Variants in ROBO2 observed in about 807,000 individuals in gnomAD.
ROBO2 encodes the protein roundabout homolog 2.
A neutral mutation model predicts 160.8 loss-of-function variants in ROBO2; 53 were observed. The ratio of observed to expected loss-of-function variants is 0.33; its 90% CI spans 0.26 to 0.41. The LOEUF (loss-of-function observed/expected upper bound fraction) is 0.41. ROBO2 is among the 10% of genes least tolerant of loss of function. The pLI is 1.00. For missense variants in ROBO2, 1,577 were observed against 1,722.4 expected (o/e 0.92, Z 1.49); for synonymous variants, 664 against 611.7 (o/e 1.09, Z -1.26).
intron 2 of ROBO2, among the ~76,000 whole-genome samples, chr3:76,971,545 T>A (rs973433221): frequency 3.5e-5 from 5 of 143,028 alleles, no homozygotes; most frequent in Non-Finnish European, 7.7e-5. Flanking sequence ...ATCTCTACTG[T>A]TTCTCTAAAA....
chr3:77,267,300 A>T (rs1015413657), intron 2 of ROBO2, among the ~76,000 whole-genome samples: 16 of 152,198 alleles, frequency 1.1e-4, no homozygotes, highest in Non-Finnish European at 1.9e-4. Flanking sequence ...ATAAATGGAA[A>T]ACATCTAAAA....
intron 2 of ROBO2, among the ~76,000 whole-genome samples, chr3:77,395,011 G>T (rs2075128338): frequency 6.6e-6 from 1 of 152,122 alleles, no homozygotes; most frequent in African/African-American, 2.4e-5. Context: ...TACATTCACA[G>T]ACTCAAACTA....
At chr3:77,243,391 C>T (rs894458953) in intron 2 of ROBO2, among the ~76,000 whole-genome samples, 8 of 152,074 alleles carry the variant, frequency 5.3e-5, no homozygotes, top group Non-Finnish European at 1.0e-4. Context: ...TTTCTTAGAA[C>T]GTGAGAAGTC....
intron 2 of ROBO2, among the ~76,000 whole-genome samples, chr3:76,902,955 G>A (rs1400027383): frequency 4.6e-5 from 7 of 151,552 alleles, no homozygotes; most frequent in African/African-American, 1.7e-4. Context: ...ATCATTACTT[G>A]GATAACATTT....
At chr3:77,237,183 C>CTTTTTTTTTTTTTTT (rs34992972) in intron 2 of ROBO2, among the ~76,000 whole-genome samples, 2 of 107,112 alleles carry the variant, frequency 1.9e-5, no homozygotes, top group African/African-American at 3.5e-5. Flanking sequence ...CTTGACCTTT[C>CTTTTTTTTTTTTTTT]TTTTTTTTTT....
At chr3:76,680,058 C>T (rs965223574) in intron 2 of ROBO2, among the ~76,000 whole-genome samples, 1 of 151,962 alleles carries the variant, frequency 6.6e-6, no homozygotes, top group African/African-American at 2.4e-5. Flanking sequence ...GTAATTAAAG[C>T]TAAACATTGT....
intron 22 of ROBO2, 114 bp from the exon 24 acceptor site, chr3:77,622,113 T>C (rs1157294160): frequency 6.7e-6 from 6 of 895,796 alleles, no homozygotes; most frequent in Non-Finnish European, 1.0e-5. Context: ...CTAAATTAGT[T>C]AATGGAAAGG....
chr3:76,861,423 GCTA>G (rs1204391522), intron 2 of ROBO2, among the ~76,000 whole-genome samples: 1 of 152,058 alleles, frequency 6.6e-6, no homozygotes, highest in Non-Finnish European at 1.5e-5. Context: ...TTATTCTAAT[GCTA>G]CTATTTTTGC....
chr3:76,191,384 G>T (rs370244445), intron 2 of ROBO2, among the ~76,000 whole-genome samples: 5 of 151,998 alleles, frequency 3.3e-5, no homozygotes, highest in Admixed American at 6.6e-5. Context: ...AAATAGCTTC[G>T]CAAATCATGT....
At chr3:77,362,585 AG>A (rs1278459723) in intron 2 of ROBO2, among the ~76,000 whole-genome samples, 3 of 152,166 alleles carry the variant, frequency 2.0e-5, no homozygotes, top group African/African-American at 7.2e-5. Context: ...GCTTAGGAGA[AG>A]GAGGCTGACT....
chr3:76,657,600 GTATATATATATTCATATATA>G, intron 2 of ROBO2, among the ~76,000 whole-genome samples: 4 of 140,338 alleles, frequency 2.9e-5, no homozygotes, highest in African/African-American at 1.1e-4. Flanking sequence ...ATATATATAT[GTATATATATATTCATATATA>G]TGTGTATATA....
chr3:76,847,912 C>T (rs534377648), intron 2 of ROBO2, among the ~76,000 whole-genome samples: 1 of 151,724 alleles, frequency 6.6e-6, no homozygotes, highest in African/African-American at 2.4e-5. Flanking sequence ...TTACTAATGA[C>T]ATTAAGAAGA....
At chr3:77,273,395 C>T (rs1046844233) in intron 2 of ROBO2, among the ~76,000 whole-genome samples, 8 of 152,154 alleles carry the variant, frequency 5.3e-5, no homozygotes, top group African/African-American at 1.9e-4. Context: ...TGGATCCTTG[C>T]TGAAGTACCA....
rs113641892 is a variant in ROBO2, at chr3:75,923,385, C to T, written c.-13-14096C>T. Among the ~76,000 whole-genome samples the T allele has an allele frequency of 4.1e-3, 621 of 152,260 alleles. 1 individual carries two copies. The highest frequency in any genetic ancestry group is 0.014 in the African/African-American group (601 of 41,540). On this transcript the variant is annotated intron_variant, in intron 1 of 26. Transcript: ENST00000487694. ...AAATATGTTTCTGCATTTACACAGACGTTTAGGGGCAGACACCCTACTATT... is the reference window on the plus strand; with the variant it reads ...AAATATGTTTCTGCATTTACACAGATGTTTAGGGGCAGACACCCTACTATT...
intron 2 of ROBO2, among the ~76,000 whole-genome samples, chr3:76,181,768 T>C (rs1432858546): frequency 6.6e-6 from 1 of 151,974 alleles, no homozygotes. Context: ...ACACCAATCA[T>C]GAGATGTTTG....
intron 2 of ROBO2, among the ~76,000 whole-genome samples, chr3:77,202,986 T>C (rs2083060232): frequency 6.6e-6 from 1 of 152,196 alleles, no homozygotes; most frequent in Non-Finnish European, 1.5e-5. Context: ...GAAAACATAA[T>C]CTCAGCCACT....
intron 2 of ROBO2, among the ~76,000 whole-genome samples, chr3:76,642,145 A>G: frequency 6.6e-6 from 1 of 152,116 alleles, no homozygotes; most frequent in East Asian, 1.9e-4. Context: ...TAGTCCTATG[A>G]CAACACCATG....
At chr3:76,503,562 C>T (rs1165563435) in intron 2 of ROBO2, among the ~76,000 whole-genome samples, 2 of 152,158 alleles carry the variant, frequency 1.3e-5, no homozygotes, top group African/African-American at 4.8e-5. Flanking sequence ...AAGTGTCCAT[C>T]AACAGATGAA....
chr3:77,223,435 T>C (rs2086084670), intron 2 of ROBO2, among the ~76,000 whole-genome samples: 1 of 152,132 alleles, frequency 6.6e-6, no homozygotes, highest in Non-Finnish European at 1.5e-5. Flanking sequence ...TCTTTTTCAG[T>C]TGATGCACAT....
Sources: allele counts gnomAD v4.1 joint callset (sites outside exome capture counted in the v4.1 genomes callset), GRCh38; gene constraint gnomAD v4.1.1; transcripts MANE v1.5; gene names NCBI Gene and HGNC (gene_info 2026-07-23, HGNC 2026-07-21).